The following DPP6 variants were observed in gnomAD, a reference collection of about 807,000 sequenced individuals.
The protein encoded by DPP6 is A-type potassium channel modulatory protein DPP6.
Under a neutral mutation model 122.6 loss-of-function variants are expected in DPP6, and 69 were observed. That is an observed-to-expected ratio of 0.56 (90% confidence interval 0.46 to 0.69). The LOEUF is 0.69. Ranked by LOEUF, DPP6 falls within the 30% of genes least tolerant of loss-of-function variation. The pLI, the probability that DPP6 is intolerant of heterozygous loss-of-function variation, is 0.00. For missense variants in DPP6, 928 were observed against 1,116.9 expected (o/e 0.83, Z 2.41); for synonymous variants, 418 against 433.1 (o/e 0.97, Z 0.43).
intron 3 of DPP6, among the ~76,000 whole-genome samples, chr7:154,532,829 A>G (rs1827951538): frequency 6.6e-6 from 1 of 152,182 alleles, no homozygotes; most frequent in South Asian, 2.1e-4. Flanking sequence ...AAAATATGGC[A>G]CCTTGGCAGT....
chr7:154,348,157 C>T (rs527620628), intron 1 of DPP6, among the ~76,000 whole-genome samples: 4 of 151,482 alleles, frequency 2.6e-5, no homozygotes, highest in African/African-American at 9.7e-5. Context: ...ATGTAACACA[C>T]CTCAGGTGGT....
At chr7:154,851,030 T>C (rs553719208) in intron 16 of DPP6, among the ~76,000 whole-genome samples, 45 of 152,372 alleles carry the variant, frequency 3.0e-4, no homozygotes, top group African/African-American at 1.1e-3. Flanking sequence ...TGACCATGTA[T>C]GTGCAGACAA....
At chr7:153,902,004 C>T (rs902286074) in intron 1 of DPP6, among the ~76,000 whole-genome samples, 1 of 152,194 alleles carries the variant, frequency 6.6e-6, no homozygotes, top group Non-Finnish European at 1.5e-5. Flanking sequence ...ATAGTAAAGC[C>T]TATTGGGGAA....
chr7:153,930,064 C>T (rs544992117), intron 1 of DPP6, among the ~76,000 whole-genome samples: 1 of 152,256 alleles, frequency 6.6e-6, no homozygotes, highest in South Asian at 2.1e-4. Flanking sequence ...TTTGGAAAAA[C>T]TAGCTTTGGA....
intron 7 of DPP6, among the ~76,000 whole-genome samples, chr7:154,722,070 C>T (rs972530218): frequency 2.0e-5 from 3 of 151,852 alleles, no homozygotes; most frequent in Non-Finnish European, 4.4e-5. Context: ...TGGTGTGTGC[C>T]TGTGGTCCCA....
chr7:154,176,818 C>T (rs1014215457), intron 1 of DPP6, among the ~76,000 whole-genome samples: 1 of 152,236 alleles, frequency 6.6e-6, no homozygotes, highest in Admixed American at 6.5e-5. Flanking sequence ...GTGAGTATGT[C>T]AGTGGAAATC....
At chr7:154,019,932 A>C (rs1798617203) in intron 1 of DPP6, among the ~76,000 whole-genome samples, 1 of 151,998 alleles carries the variant, frequency 6.6e-6, no homozygotes, top group South Asian at 2.1e-4. Context: ...ACCTTCATTC[A>C]CTTTGGTGTC....
At chr7:154,435,731 A>G (rs988192363) in intron 1 of DPP6, among the ~76,000 whole-genome samples, 3 of 152,192 alleles carry the variant, frequency 2.0e-5, no homozygotes. Context: ...CCATCCTGAG[A>G]TATGTGCACC....
At chr7:154,575,349 GTGTGGTGTGTGTGTGAT>G (rs1831522651) in intron 5 of DPP6, among the ~76,000 whole-genome samples, 1 of 64,832 alleles carries the variant, frequency 1.5e-5, no homozygotes, top group Admixed American at 2.0e-4. Context: ...GTGTATGTGT[GTGTGGTGTGTGTGTGAT>G]GTGTGTGTAT....
chr7:154,666,529 A>G (rs1838179376), intron 6 of DPP6, among the ~76,000 whole-genome samples: 3 of 151,958 alleles, frequency 2.0e-5, no homozygotes. Context: ...CTATTCTCTT[A>G]TCTATTTTGA....
chr7:154,113,426 CACACAT>C (rs1341904894), intron 1 of DPP6, among the ~76,000 whole-genome samples: 7 of 151,172 alleles, frequency 4.6e-5, no homozygotes, highest in Non-Finnish European at 7.4e-5. Flanking sequence ...CACACACACA[CACACAT>C]ACACACAACA....
At chr7:154,762,681 A>G (rs532818530) in intron 8 of DPP6, among the ~76,000 whole-genome samples, 8 of 152,246 alleles carry the variant, frequency 5.3e-5, no homozygotes, top group Non-Finnish European at 1.2e-4. Context: ...TGTAGAAAAG[A>G]GAAGGCTTCC....
At chr7:154,017,113 G>C (rs1798454863) in intron 1 of DPP6, among the ~76,000 whole-genome samples, 1 of 152,160 alleles carries the variant, frequency 6.6e-6, no homozygotes, top group African/African-American at 2.4e-5. Context: ...TGTCACCTAG[G>C]TGGGAGTGAA....
intron 1 of DPP6, among the ~76,000 whole-genome samples, chr7:154,167,112 C>A (rs1797293576): frequency 6.6e-6 from 1 of 151,440 alleles, no homozygotes; most frequent in Non-Finnish European, 1.5e-5. Flanking sequence ...AAGAAAACAC[C>A]AGCGAACAGA....
chr7:154,845,229 A>G (rs1801851932), intron 16 of DPP6, among the ~76,000 whole-genome samples: 2 of 152,208 alleles, frequency 1.3e-5, no homozygotes, highest in African/African-American at 4.8e-5. Flanking sequence ...TCGTGGCCCA[A>G]GGATTTCAGA....
chr7:154,662,184 T>A (rs1198304859), intron 6 of DPP6, among the ~76,000 whole-genome samples: 2 of 151,406 alleles, frequency 1.3e-5, no homozygotes, highest in East Asian at 3.9e-4. Flanking sequence ...ATAGTCATGG[T>A]GAATCACTGT....
At chr7:154,557,648 G>A (rs1174450506) in intron 4 of DPP6, among the ~76,000 whole-genome samples, 1 of 152,112 alleles carries the variant, frequency 6.6e-6, no homozygotes, top group East Asian at 1.9e-4. Context: ...GATAAAATGT[G>A]GAGAGAAAAA....
intron 1 of DPP6, among the ~76,000 whole-genome samples, chr7:154,260,086 T>A (rs768991201): frequency 1.7e-4 from 26 of 152,062 alleles, no homozygotes; most frequent in Non-Finnish European, 3.4e-4. Context: ...TGGGAGCAGG[T>A]CTCAAAAAGT....
chr7:154,848,555 G>C (rs751165655), intron 16 of DPP6, among the ~76,000 whole-genome samples: 1 of 152,000 alleles, frequency 6.6e-6, no homozygotes, highest in Non-Finnish European at 1.5e-5. Flanking sequence ...TACATATTTT[G>C]GTTATTAGCC....
Sources: gnomAD v4.1 joint callset for allele counts (sites outside exome capture counted in the v4.1 genomes callset) on GRCh38, gnomAD v4.1.1 for gene constraint, MANE v1.5 for transcripts, NCBI Gene and HGNC (gene_info 2026-07-23, HGNC 2026-07-21) for gene names.